LMBR1: variants seen among roughly 807,000 people sequenced by gnomAD.
The protein encoded by LMBR1 is limb region 1 protein homolog.
In LMBR1, 52 loss-of-function variants were observed where a neutral mutation model predicts 73.9. That is an observed-to-expected ratio of 0.70 (90% confidence interval 0.56 to 0.89). The LOEUF is 0.89. Among genes scored for constraint, LMBR1 ranks in the 40% least tolerant of loss-of-function variants. The pLI is 0.00. For missense variants in LMBR1, 539 were observed against 579.8 expected (o/e 0.93, Z 0.72); for synonymous variants, 215 against 209.4 (o/e 1.03, Z -0.23).
intron 5 of LMBR1, among the ~76,000 whole-genome samples, chr7:156,771,353 G>T (rs1162960559): frequency 1.3e-5 from 2 of 152,102 alleles, no homozygotes; most frequent in African/African-American, 4.8e-5. Context: ...AAGATAAAAA[G>T]AAGATCCAAA....
At chr7:156,794,391 C>A (rs1829741906) in intron 5 of LMBR1, among the ~76,000 whole-genome samples, 1 of 152,160 alleles carries the variant, frequency 6.6e-6, no homozygotes, top group South Asian at 2.1e-4. Flanking sequence ...CTCCCTTTGA[C>A]CTTAAGTCTG....
intron 1 of LMBR1, among the ~76,000 whole-genome samples, chr7:156,847,903 C>T (rs1479660183): frequency 6.6e-6 from 1 of 152,092 alleles, no homozygotes; most frequent in Admixed American, 6.6e-5. Flanking sequence ...TTCAGCAATC[C>T]CGTTAGATTT....
At chr7:156,718,914 A>G (rs1278850078) in intron 15 of LMBR1, among the ~76,000 whole-genome samples, 1 of 152,110 alleles carries the variant, frequency 6.6e-6, no homozygotes, top group Admixed American at 6.5e-5. Context: ...ACTGAAAGGT[A>G]AGACCTGAAA....
intron 4 of LMBR1, among the ~76,000 whole-genome samples, chr7:156,809,467 T>C (rs1439814718): frequency 6.6e-6 from 1 of 152,206 alleles, no homozygotes; most frequent in African/African-American, 2.4e-5. Flanking sequence ...ATATAACCTA[T>C]GCATATCCTC....
rs1173460927 is a variant in LMBR1, at chr7:156,681,607, G to A, written c.*2471C>T. 6.5e-6 allele frequency: 1 copy of A among 153,254 alleles called. No individual in the cohort carries two copies. The highest frequency in any genetic ancestry group is 1.5e-5 in the Non-Finnish European group (1 of 68,844). 9.5% of individuals were successfully genotyped at this position (153,254 alleles called of 1,614,324 possible). A position where few individuals can be genotyped will look rare whatever the true frequency, so the allele number is the denominator to read the frequency against. Reference sequence around the variant, plus strand: ...CCCCAAGAAACTCTGGAACCATAGTGCCTAATGCCCTTTAAAATCGATACT... The same window carrying A: ...CCCCAAGAAACTCTGGAACCATAGTACCTAATGCCCTTTAAAATCGATACT... On this transcript the variant is annotated 3_prime_UTR_variant, in exon 17 of 17. Transcript: ENST00000353442.
chr7:156,826,771 A>C, intron 3 of LMBR1, 27 bp from the exon 4 acceptor site: 1 of 1,581,778 alleles, frequency 6.3e-7, no homozygotes, highest in Non-Finnish European at 8.6e-7. Flanking sequence ...TCACCATCAC[A>C]AGTGATCTGA....
intron 4 of LMBR1, among the ~76,000 whole-genome samples, chr7:156,671,300 T>C (rs1802446890): frequency 6.6e-6 from 1 of 152,198 alleles, no homozygotes; most frequent in Non-Finnish European, 1.5e-5. Flanking sequence ...TATGTGTTAC[T>C]CAGAAGAGAT....
intron 12 of LMBR1, chr7:156,726,151 C>A: frequency 4.3e-6 from 1 of 232,634 alleles, no homozygotes; most frequent in Non-Finnish European, 8.2e-6. Flanking sequence ...GAAAAAAATC[C>A]TGAATAGTTT....
At position 156,832,099 on chromosome 7, in the gene LMBR1, A is replaced by C. The variant is rs571235581; in HGVS notation, c.179+1654T>G. Among the ~76,000 whole-genome samples, 9 of 152,358 alleles carry C rather than the reference A, an allele frequency of 5.9e-5. No homozygotes were observed. In the South Asian group the frequency reaches 1.9e-3, roughly 32 times the overall value. The stretch of plus-strand genomic sequence containing the variant: ...CTAAAACCCGTAATTCTGTAAATTT[A>C]AAACATCAAGTTTTGGGCCTAGGTT... On this transcript the variant is annotated intron_variant, in intron 3 of 16. Coordinates refer to ENST00000353442, the MANE Select transcript of LMBR1 (RefSeq NM_022458.4).
chr7:156,698,548 A>G (rs1173545161), intron 15 of LMBR1, among the ~76,000 whole-genome samples: 1 of 152,150 alleles, frequency 6.6e-6, no homozygotes, highest in East Asian at 1.9e-4. Context: ...ACTTCCGTGC[A>G]CCACACGCTC....
At chr7:156,736,704 A>T in intron 9 of LMBR1, 1 of 406,592 alleles carries the variant, frequency 2.5e-6, no homozygotes, top group Non-Finnish European at 5.0e-6. Flanking sequence ...CATTTTAGCT[A>T]GATTGATATT....
chr7:156,765,019 C>T (rs1823823720), intron 5 of LMBR1, among the ~76,000 whole-genome samples: 1 of 152,150 alleles, frequency 6.6e-6, no homozygotes, highest in Admixed American at 6.5e-5. Flanking sequence ...GCCAGTGAAC[C>T]AGAATGAATT....
Position 156,685,809 on chromosome 7 carries a change from TCAA to T in LMBR1, c.1388-1649_1388-1647del, listed in dbSNP as rs940048844. Reference sequence around the variant, plus strand: ...ACGAAGCTCAGACCTTTCTGGCATCTCAACAACTTACTTGGAAAAGATTTTTCT... The same window carrying T: ...ACGAAGCTCAGACCTTTCTGGCATCTCAACTTACTTGGAAAAGATTTTTCT... On this transcript the variant is annotated intron_variant, in intron 16 of 16. Transcript: ENST00000353442. This position sits in a 1 kb window ranked among gnomAD's most constrained non-coding sequence, Gnocchi z 4.1. 3.3e-5 allele frequency among the ~76,000 whole-genome samples: 5 copies of T among 152,226 alleles called. No homozygotes were observed. Among genetic ancestry groups the T allele is most frequent in the Admixed American group, 6.5e-5 (1 of 15,290 alleles).
rs1262244489 is a variant in LMBR1, at chr7:156,670,807, T to C, written n.867-1520A>G. On this transcript the variant is annotated intron_variant and non_coding_transcript_variant, in intron 4 of 4. Coordinates refer to the LMBR1 transcript ENST00000430825. The surrounding 1 kb of genome is among the most constrained non-coding windows in gnomAD (Gnocchi z 4.3). ...AAAAGCCAGACAAAAAGTGTGCCAC[T>C]AGAACGTCTTCGTTAAAGGAAATTC... Among the ~76,000 whole-genome samples the C allele has an allele frequency of 6.6e-6, 1 of 152,208 alleles. No individual in the cohort carries two copies. Among genetic ancestry groups the C allele is most frequent in the African/African-American group, 2.4e-5 (1 of 41,462 alleles).
chr7:156,835,613 T>C (rs1337994270), intron 2 of LMBR1, among the ~76,000 whole-genome samples: 5 of 150,512 alleles, frequency 3.3e-5, no homozygotes, highest in Admixed American at 2.7e-4. Context: ...GAGAATCACT[T>C]GCACCCAGAA....
rs750492938 is a variant in LMBR1 at position 156,734,234 on chromosome 7, T to C, written c.781A>G (p.Asn261Asp). The change falls in exon 10 of 17, where the codon AAC becomes GAC. Residue 261 changes from asparagine (N) to aspartate (D), a missense_variant. Transcript: ENST00000353442. ...AGTTCTTGTTCCAACTCCATTATGT[T>C]GTATTCCACCGATGAAGACAGCCCT... is the stretch of plus-strand genomic sequence containing the variant. ...LNGLSSSVEY[N>D]IMELEQELEN... 2.5e-6 allele frequency: 4 copies of C among 1,610,040 alleles called. No homozygotes were observed. In the East Asian group the frequency reaches 8.9e-5, roughly 36 times the overall value.
intron 1 of LMBR1, among the ~76,000 whole-genome samples, chr7:156,891,216 ATATATATATAT>A (rs1802890880): frequency 2.5e-5 from 1 of 40,020 alleles, no homozygotes; most frequent in Non-Finnish European, 4.9e-5. Context: ...AAAAAAATAT[ATATATATATAT>A]ATATATACAC....
intron 15 of LMBR1, among the ~76,000 whole-genome samples, chr7:156,706,151 A>G (rs1229032405): frequency 6.6e-6 from 1 of 150,498 alleles, no homozygotes; most frequent in Admixed American, 6.7e-5. Context: ...TTTAAATCAA[A>G]AACAGTTAAA....
At chr7:156,878,555 T>C (rs1800571236) in intron 1 of LMBR1, among the ~76,000 whole-genome samples, 1 of 152,186 alleles carries the variant, frequency 6.6e-6, no homozygotes, top group South Asian at 2.1e-4. Flanking sequence ...AAATCATAGA[T>C]GACACAAACA....
Sources: allele counts gnomAD v4.1 joint callset (sites outside exome capture counted in the v4.1 genomes callset), GRCh38; gene constraint gnomAD v4.1.1; non-coding constraint Gnocchi (gnomAD v3.1); transcripts MANE v1.5; gene names NCBI Gene and HGNC (gene_info 2026-07-23, HGNC 2026-07-21).